The following MYO1D variants were observed in gnomAD, a reference collection of about 807,000 sequenced individuals.
The protein encoded by MYO1D is unconventional myosin-Id.
MYO1D carries 83 observed loss-of-function variants against 122.0 expected under a neutral mutation model. The observed-to-expected ratio is 0.68, with a 90% CI of 0.57 to 0.82. The LOEUF (loss-of-function observed/expected upper bound fraction) is 0.82. MYO1D is among the 40% of genes least tolerant of loss of function. The pLI is 0.00. For missense variants in MYO1D, 1,157 were observed against 1,269.5 expected, an observed-to-expected ratio of 0.91 and a Z score of 1.35; for synonymous variants, 464 against 446.9, an observed-to-expected ratio of 1.04 and a Z score of -0.48.
chr17:32,838,088 A>G (rs773389616), intron 1 of MYO1D, among the ~76,000 whole-genome samples: 6 of 152,132 alleles, frequency 3.9e-5, no homozygotes, highest in Non-Finnish European at 8.8e-5. Context: ...AAGCTTAGAA[A>G]TATTTTTTCC....
At chr17:32,875,721 G>C (rs566279523) in intron 1 of MYO1D, among the ~76,000 whole-genome samples, 2 of 152,226 alleles carry the variant, frequency 1.3e-5, no homozygotes, top group South Asian at 2.1e-4. Flanking sequence ...GATTGACAGG[G>C]GTAGTTAATA....
intron 20 of MYO1D, chr17:32,627,904 T>C (rs2087949047): frequency 6.6e-6 from 1 of 152,206 alleles, no homozygotes; most frequent in Non-Finnish European, 1.5e-5. Flanking sequence ...CCATGGATGC[T>C]GGTTTGGGAG....
chr17:32,515,837 A>G (rs962411690), intron 21 of MYO1D, among the ~76,000 whole-genome samples: 6 of 152,224 alleles, frequency 3.9e-5, no homozygotes, highest in Admixed American at 3.9e-4. Flanking sequence ...AGATGAAAAG[A>G]AACAAATTGC....
chr17:32,765,737 C>T (rs987839218), intron 7 of MYO1D, among the ~76,000 whole-genome samples: 2 of 152,106 alleles, frequency 1.3e-5, no homozygotes, highest in African/African-American at 4.8e-5. Flanking sequence ...GGATTACAGG[C>T]GTGAGCCACC....
chr17:32,696,274 T>G (rs1303508592), intron 16 of MYO1D, among the ~76,000 whole-genome samples: 1 of 152,066 alleles, frequency 6.6e-6, no homozygotes, highest in African/African-American at 2.4e-5. Flanking sequence ...ATTAGGAAAT[T>G]AACTGTGACT....
chr17:32,765,893 T>C (rs1021919032), intron 7 of MYO1D, among the ~76,000 whole-genome samples: 1 of 152,104 alleles, frequency 6.6e-6, no homozygotes, highest in Non-Finnish European at 1.5e-5. Flanking sequence ...TGATTTGAAA[T>C]GTCACCTTTT....
chr17:32,628,406 GAA>G (rs2150931358), intron 20 of MYO1D, among the ~76,000 whole-genome samples: 2 of 152,266 alleles, frequency 1.3e-5, no homozygotes, highest in South Asian at 4.1e-4. Context: ...AGTGTTTGCT[GAA>G]AAGAGTCTCA....
chr17:32,602,032 A>C (rs948720815), intron 21 of MYO1D, among the ~76,000 whole-genome samples: 4 of 152,214 alleles, frequency 2.6e-5, no homozygotes, highest in Non-Finnish European at 5.9e-5. Context: ...ACTCATGGTG[A>C]TGAGGAAAAA....
rs192040811 is a variant in MYO1D at position 32,615,783 on chromosome 17, G to C, written c.2710-10542C>G. ...AGGGCATGCCTTACAAATTCTATCC[G>C]ATAAACAACAGGGCTCCTGAATCTT... On this transcript the variant is annotated intron_variant, in intron 20 of 21. Transcript: ENST00000318217. 1.6e-4 allele frequency among the ~76,000 whole-genome samples: 25 copies of C among 152,286 alleles called. 1 individual carries two copies. The East Asian group carries it at 4.2e-3, about 26-fold the overall frequency.
intron 21 of MYO1D, among the ~76,000 whole-genome samples, chr17:32,554,609 G>A (rs757840956): frequency 1.3e-5 from 2 of 152,108 alleles, no homozygotes; most frequent in Non-Finnish European, 2.9e-5. Flanking sequence ...ACATACAAAT[G>A]CAAAACTTTT....
intron 16 of MYO1D, among the ~76,000 whole-genome samples, chr17:32,673,090 C>CCTTTTTTTTTTTTTT (rs2088745716): frequency 3.5e-5 from 1 of 28,628 alleles, no homozygotes; most frequent in Non-Finnish European, 8.5e-5. Flanking sequence ...AAACATGCTA[C>CCTTTTTTTTTTTTTT]TTTTTTTTTT....
intron 21 of MYO1D, among the ~76,000 whole-genome samples, chr17:32,557,847 TA>T (rs1221204766): frequency 6.6e-6 from 1 of 152,052 alleles, no homozygotes; most frequent in Non-Finnish European, 1.5e-5. Context: ...ATTGTGTTTA[TA>T]AATAACATTT....
chr17:32,675,950 T>G (rs2088802214), intron 16 of MYO1D, among the ~76,000 whole-genome samples: 1 of 152,346 alleles, frequency 6.6e-6, no homozygotes, highest in Middle Eastern at 3.4e-3. Flanking sequence ...TTTTCCCATG[T>G]GATCAAATAT....
intron 21 of MYO1D, among the ~76,000 whole-genome samples, chr17:32,549,327 C>T (rs892596220): frequency 1.3e-5 from 2 of 150,998 alleles, no homozygotes; most frequent in African/African-American, 4.9e-5. Context: ...AACTCCTGGG[C>T]TCAAGTGATC....
At chr17:32,621,399 C>T (rs1259751758) in intron 20 of MYO1D, among the ~76,000 whole-genome samples, 1 of 151,806 alleles carries the variant, frequency 6.6e-6, no homozygotes, top group Non-Finnish European at 1.5e-5. Context: ...TTTGCCTCTC[C>T]CACTAAACGA....
chr17:32,656,387 G>C (rs1020390287), intron 17 of MYO1D, among the ~76,000 whole-genome samples: 4 of 151,568 alleles, frequency 2.6e-5, no homozygotes, highest in African/African-American at 9.7e-5. Context: ...CCAGCTGATG[G>C]GGAAGCGGCT....
chr17:32,671,192 G>A (rs919385773), intron 16 of MYO1D, among the ~76,000 whole-genome samples: 1 of 152,234 alleles, frequency 6.6e-6, no homozygotes, highest in Non-Finnish European at 1.5e-5. Context: ...ACCCCTGCCT[G>A]GGCATCACTG....
intron 15 of MYO1D, among the ~76,000 whole-genome samples, chr17:32,712,960 G>A (rs2089397607): frequency 6.6e-6 from 1 of 152,190 alleles, no homozygotes; most frequent in African/African-American, 2.4e-5. Flanking sequence ...TACACTCACA[G>A]GAAGGGGATT....
intron 16 of MYO1D, among the ~76,000 whole-genome samples, chr17:32,700,943 C>CAAAAAAA (rs751113475): frequency 1.8e-4 from 14 of 77,716 alleles, no homozygotes; most frequent in East Asian, 3.9e-4. Flanking sequence ...GACTCCATCT[C>CAAAAAAA]AAAAAAAAAA....
Sources: gnomAD v4.1 joint callset for allele counts (sites outside exome capture counted in the v4.1 genomes callset) on GRCh38, gnomAD v4.1.1 for gene constraint, MANE v1.5 for transcripts, NCBI Gene and HGNC (gene_info 2026-07-23, HGNC 2026-07-21) for gene names.